Variants in FBXL7 observed in about 807,000 individuals in gnomAD.
The protein encoded by FBXL7 is F-box and leucine rich repeat protein 7.
Under a neutral mutation model 38.3 loss-of-function variants are expected in FBXL7, and 12 were observed. That is an observed-to-expected ratio of 0.31 (90% confidence interval 0.20 to 0.51). FBXL7 has a LOEUF of 0.51. Ranked by LOEUF, FBXL7 falls within the 20% of genes least tolerant of loss-of-function variation. The probability of loss-of-function intolerance (pLI) is 0.98; values close to 1 mark genes in which losing one functional copy is unlikely to be tolerated. For missense variants in FBXL7, 567 were observed against 676.4 expected (o/e 0.84, Z 1.79); for synonymous variants, 297 against 300.9 (o/e 0.99, Z 0.13).
intron 1 of FBXL7, among the ~76,000 whole-genome samples, chr5:15,592,720 T>A (rs907813649): frequency 2.7e-5 from 4 of 150,232 alleles, no homozygotes; most frequent in African/African-American, 1.0e-4. Flanking sequence ...TTTTTGGAGT[T>A]GTTTGTTTTC....
intron 2 of FBXL7, among the ~76,000 whole-genome samples, chr5:15,800,976 G>A (rs1006366063): frequency 1.3e-5 from 2 of 152,182 alleles, no homozygotes; most frequent in African/African-American, 4.8e-5. Flanking sequence ...AAGTTGTCAA[G>A]TCTAAAATCC....
intron 1 of FBXL7, among the ~76,000 whole-genome samples, chr5:15,575,557 A>G (rs1282834161): frequency 6.6e-6 from 1 of 152,180 alleles, no homozygotes; most frequent in Non-Finnish European, 1.5e-5. Flanking sequence ...AGATGTTCCC[A>G]TTCTGGTGGC....
At chr5:15,784,867 C>A (rs140763158) in intron 2 of FBXL7, among the ~76,000 whole-genome samples, 1 of 152,230 alleles carries the variant, frequency 6.6e-6, no homozygotes, top group African/African-American at 2.4e-5. Context: ...AGTGCAATAA[C>A]AACCTAGCAC....
chr5:15,747,063 T>G (rs1363115428), intron 2 of FBXL7, among the ~76,000 whole-genome samples: 1 of 151,898 alleles, frequency 6.6e-6, no homozygotes, highest in Non-Finnish European at 1.5e-5. Context: ...TGGGAATGAG[T>G]GTGGAGGGAA....
chr5:15,559,413 G>A (rs1380237668), intron 1 of FBXL7, among the ~76,000 whole-genome samples: 1 of 152,168 alleles, frequency 6.6e-6, no homozygotes, highest in Non-Finnish European at 1.5e-5. Context: ...CTGTGTGAGT[G>A]TGTGTTTTGT....
In FBXL7 at chr5:15,505,377, A is replaced by G. The variant is rs1314978718; in HGVS notation, c.37+4664A>G. On this transcript the variant is annotated intron_variant, in intron 1 of 3. Transcript: ENST00000504595. Reference sequence around the variant, plus strand: ...TGAATGGGGACCCGGGGCCAGCTCTATCTAAGCCCAGAGTCATTATTCATT... The same window carrying G: ...TGAATGGGGACCCGGGGCCAGCTCTGTCTAAGCCCAGAGTCATTATTCATT... Among the ~76,000 whole-genome samples, 3 of 152,156 alleles carry G rather than the reference A, an allele frequency of 2.0e-5. No homozygotes were observed. In the East Asian group the frequency reaches 5.8e-4, roughly 29 times the overall value.
In FBXL7 at chr5:15,761,024, G is replaced by A. The variant is rs553272984; in HGVS notation, c.127+144952G>A. Among the ~76,000 whole-genome samples, 12 of 152,028 alleles carry A rather than the reference G, an allele frequency of 7.9e-5. No individual in the cohort carries two copies. The East Asian group carries it at 2.3e-3, about 29-fold the overall frequency. On this transcript the variant is annotated intron_variant, in intron 2 of 3. Transcript: ENST00000504595. ...ATATTGCATGAATGGGAAAATGAAA[G>A]AGTAAGAAATGGGGCAGCCATGACA... is the stretch of plus-strand genomic sequence containing the variant.
intron 1 of FBXL7, among the ~76,000 whole-genome samples, chr5:15,570,327 A>G (rs1738732752): frequency 6.6e-6 from 1 of 152,066 alleles, no homozygotes; most frequent in Admixed American, 6.5e-5. Context: ...GGGAGGGTGT[A>G]TTTGTCGAGG....
intron 2 of FBXL7, among the ~76,000 whole-genome samples, chr5:15,792,709 C>A (rs1402672943): frequency 6.6e-6 from 1 of 152,172 alleles, no homozygotes; most frequent in African/African-American, 2.4e-5. Flanking sequence ...AGCACCACCT[C>A]CCTATCATCA....
At position 15,678,633 on chromosome 5, in the gene FBXL7, T is replaced by G. The variant is rs546383728; in HGVS notation, c.127+62561T>G. Among the ~76,000 whole-genome samples, 13 of 152,318 alleles carry G rather than the reference T, an allele frequency of 8.5e-5. No homozygotes were observed. In the South Asian group the frequency reaches 2.7e-3, roughly 32 times the overall value. ...AATTCCCACATGTTGTAGGAGGGAC[T>G]TGGTGGGAGATAATTGAATCATGGG... On this transcript the variant is annotated intron_variant, in intron 2 of 3. Coordinates refer to ENST00000504595, the MANE Select transcript of FBXL7 (RefSeq NM_012304.5).
At chr5:15,893,079 G>T (rs900277091) in intron 2 of FBXL7, among the ~76,000 whole-genome samples, 1 of 149,994 alleles carries the variant, frequency 6.7e-6, no homozygotes, top group Non-Finnish European at 1.5e-5. Flanking sequence ...TCACGCCACT[G>T]CACTCCAGCC....
intron 2 of FBXL7, among the ~76,000 whole-genome samples, chr5:15,756,617 T>C (rs568698089): frequency 6.6e-6 from 1 of 152,204 alleles, no homozygotes; most frequent in Non-Finnish European, 1.5e-5. Context: ...TCGTTTTTAT[T>C]AGCTGTGCTG....
At position 15,776,393 on chromosome 5, in the gene FBXL7, A is replaced by G. The variant is rs185266279; in HGVS notation, c.128-151497A>G. On this transcript the variant is annotated intron_variant, in intron 2 of 3. Transcript: ENST00000504595. Reference sequence around the variant, plus strand: ...GTTCATGTTTCTATGGTAACAACCAATTATAAATGCAATCTGAAGAGATGG... The same window carrying G: ...GTTCATGTTTCTATGGTAACAACCAGTTATAAATGCAATCTGAAGAGATGG... Among the ~76,000 whole-genome samples the G allele has an allele frequency of 2.4e-4, 37 of 152,256 alleles. 1 individual carries two copies. The highest frequency in any genetic ancestry group is 8.2e-4 in the African/African-American group (34 of 41,570).
intron 2 of FBXL7, among the ~76,000 whole-genome samples, chr5:15,842,287 C>A (rs1193051904): frequency 1.3e-5 from 2 of 152,206 alleles, no homozygotes; most frequent in South Asian, 2.1e-4. Flanking sequence ...TTAATGACTG[C>A]CCTATTGGAC....
intron 1 of FBXL7, among the ~76,000 whole-genome samples, chr5:15,544,344 G>A (rs1737840941): frequency 6.6e-6 from 1 of 152,312 alleles, no homozygotes; most frequent in East Asian, 1.9e-4. Flanking sequence ...CCTTGTTTCA[G>A]TACGTCAAGG....
At chr5:15,789,332 C>T (rs1348414313) in intron 2 of FBXL7, among the ~76,000 whole-genome samples, 1 of 152,170 alleles carries the variant, frequency 6.6e-6, no homozygotes, top group Admixed American at 6.5e-5. Context: ...GCAGTCTTTC[C>T]AGCCAGGGTG....
At chr5:15,554,729 A>C (rs747515797) in intron 1 of FBXL7, among the ~76,000 whole-genome samples, 1 of 152,212 alleles carries the variant, frequency 6.6e-6, no homozygotes, top group Non-Finnish European at 1.5e-5. Flanking sequence ...GTGGAAGAGC[A>C]CTGGGTTAGA....
intron 2 of FBXL7, among the ~76,000 whole-genome samples, chr5:15,769,920 T>G (rs1736684564): frequency 6.6e-6 from 1 of 152,210 alleles, no homozygotes; most frequent in Non-Finnish European, 1.5e-5. Flanking sequence ...TTTGAAACTT[T>G]TTTTGTAAAT....
chr5:15,877,956 C>T (rs1740280768), intron 2 of FBXL7, among the ~76,000 whole-genome samples: 1 of 152,164 alleles, frequency 6.6e-6, no homozygotes, highest in African/African-American at 2.4e-5. Flanking sequence ...GCATGACCTT[C>T]TAGCCTTACC....
Sources: allele counts gnomAD v4.1 joint callset (sites outside exome capture counted in the v4.1 genomes callset), GRCh38; gene constraint gnomAD v4.1.1; transcripts MANE v1.5; gene names NCBI Gene and HGNC (gene_info 2026-07-23, HGNC 2026-07-21).